ZSCAN1: variants seen among roughly 807,000 people sequenced by gnomAD.
ZSCAN1 encodes zinc finger and SCAN domain containing 1, also known as zinc finger and SCAN domain-containing protein 1.
ZSCAN1 carries 23 observed loss-of-function variants against 23.8 expected under a neutral mutation model. The observed-to-expected ratio is 0.97, with a 90% CI of 0.70 to 1.37. The LOEUF (loss-of-function observed/expected upper bound fraction) is 1.37, where lower values mean the gene tolerates loss of function less well. Ranked by LOEUF, ZSCAN1 falls within the 40% of genes most tolerant of loss-of-function variation. ZSCAN1 has a pLI of 0.00. For missense variants in ZSCAN1, 575 were observed against 554.0 expected (o/e 1.04, Z -0.38); for synonymous variants, 236 against 232.3 (o/e 1.02, Z -0.15).
intron 3 of ZSCAN1, among the ~76,000 whole-genome samples, chr19:58,038,613 T>G (rs2073760263): frequency 6.6e-6 from 1 of 152,164 alleles, no homozygotes; most frequent in Non-Finnish European, 1.5e-5. Flanking sequence ...TGGCTGATGG[T>G]GGGGAGAGAC....
intron 5 of ZSCAN1, among the ~76,000 whole-genome samples, chr19:58,052,838 C>T (rs548425123): frequency 6.6e-6 from 1 of 152,318 alleles, no homozygotes; most frequent in East Asian, 1.9e-4. Flanking sequence ...AGGGCCTCAG[C>T]CTCCGCACCT....
At chr19:58,050,585 A>G (rs2073852959) in intron 4 of ZSCAN1, among the ~76,000 whole-genome samples, 1 of 151,248 alleles carries the variant, frequency 6.6e-6, no homozygotes, top group Non-Finnish European at 1.5e-5. Context: ...CAGTGGTGCA[A>G]TCTCAGCTCA....
rs2073748050 is a variant in ZSCAN1, at chr19:58,037,724, G to A, written c.-109-4G>A. 2.2e-6 allele frequency: 3 copies of A among 1,339,984 alleles called. No homozygotes were observed. The highest frequency in any genetic ancestry group is 3.0e-5 in the African/African-American group (2 of 67,466). The allele number at this position is 1,339,984 out of a possible 1,614,324, so 83.0% of individuals were successfully genotyped here. On this transcript the variant is annotated splice_polypyrimidine_tract_variant and splice_region_variant and intron_variant, in intron 2 of 5. Transcript: ENST00000282326. ...GACCCCTCTGTCCCTGCCCCTCTCTGCAGGCCCCTGATTGCTGATTCTGTC... is the reference window on the plus strand; with the variant it reads ...GACCCCTCTGTCCCTGCCCCTCTCTACAGGCCCCTGATTGCTGATTCTGTC...
At chr19:58,039,335 C>T (rs544260314) in intron 3 of ZSCAN1, among the ~76,000 whole-genome samples, 15 of 152,344 alleles carry the variant, frequency 9.8e-5, no homozygotes, top group Admixed American at 2.0e-4. Flanking sequence ...TTTTAATGTT[C>T]CATGGTCACT....
chr19:58,045,112 A>G lies in ZSCAN1; in HGVS notation c.465+4568A>G, dbSNP rs951914535. The G allele has an allele frequency of 3.2e-6, 4 of 1,252,234 alleles. No homozygotes were observed. Among genetic ancestry groups the G allele is most frequent in the Non-Finnish European group, 3.5e-6 (3 of 853,836 alleles). The allele number at this position is 1,252,234 out of a possible 1,614,324, so 77.6% of individuals were successfully genotyped here. On this transcript the variant is annotated intron_variant, in intron 4 of 5. Transcript: ENST00000282326. This position sits in a 1 kb window ranked among gnomAD's most constrained non-coding sequence, Gnocchi z 4.3. The stretch of plus-strand genomic sequence containing the variant: ...TTCCGCCTGCTACGGATCCACACCA[A>G]GATCGCAGCACGCATGCTCTGGCGC...
chr19:58,044,271 T>TCAAAA (rs755442932), intron 4 of ZSCAN1, among the ~76,000 whole-genome samples: 4 of 149,470 alleles, frequency 2.7e-5, no homozygotes, highest in East Asian at 4.0e-4. Flanking sequence ...AAACTCCGTC[T>TCAAAA]CAAAACAAAA....
chr19:58,041,486 G>T (rs1235684197), intron 4 of ZSCAN1, among the ~76,000 whole-genome samples: 18 of 152,262 alleles, frequency 1.2e-4, no homozygotes, highest in Admixed American at 1.2e-3. Flanking sequence ...AGATGTTCTA[G>T]GCCCAGGACC....
chr19:58,045,480 C>G lies in ZSCAN1; in HGVS notation c.465+4936C>G. On this transcript the variant is annotated intron_variant, in intron 4 of 5. Transcript: ENST00000282326. The surrounding 1 kb of genome is among the most constrained non-coding windows in gnomAD (Gnocchi z 4.3). ...GAAGATCCGGGAGACGGGGGAGAGG[C>G]CCAGCAATGAGGAAATCATGGGTTT... 2 of 1,313,722 alleles carry G rather than the reference C, an allele frequency of 1.5e-6. No homozygotes were observed. Among genetic ancestry groups the G allele is most frequent in the South Asian group, 2.3e-5 (2 of 85,178 alleles). The allele number at this position is 1,313,722 out of a possible 1,614,324, so 81.4% of individuals were successfully genotyped here.
chr19:58,037,380 T>C (rs73071847), intron 2 of ZSCAN1, among the ~76,000 whole-genome samples: 21,017 of 151,378 alleles, frequency 0.14, 1,928 homozygotes, highest in Middle Eastern at 0.24. Flanking sequence ...GAGAGGGAGA[T>C]AGACACTAAG....
chr19:58,053,892 C>A lies in ZSCAN1; in HGVS notation c.1068C>A (p.Gly356=). 2 of 1,613,136 alleles carry A rather than the reference C, an allele frequency of 1.2e-6. No individual in the cohort carries two copies. The highest frequency in any genetic ancestry group is 1.7e-6 in the Non-Finnish European group (2 of 1,179,254). The change falls in exon 6 of 6, where the codon GGC becomes GGA. Residue 356 remains glycine, a synonymous_variant. Coordinates refer to ENST00000282326, the MANE Select transcript of ZSCAN1 (RefSeq NM_182572.4). This position sits in a 1 kb window ranked among gnomAD's most constrained non-coding sequence, Gnocchi z 5.8. ...PPRKKAPRSK[G]PRESVPPRDG... Reference sequence around the variant, plus strand: ...GGAAGAAAGCCCCCCGGAGCAAGGGCCCCCGGGAGTCCGTCCCACCCAGGG... The same window carrying A: ...GGAAGAAAGCCCCCCGGAGCAAGGGACCCCGGGAGTCCGTCCCACCCAGGG...
rs375536769 is a variant in ZSCAN1 at position 58,054,071 on chromosome 19, G to A, written c.*20G>A. The A allele has an allele frequency of 2.7e-5, 39 of 1,471,532 alleles. No individual in the cohort carries two copies. Among genetic ancestry groups the A allele is most frequent in the South Asian group, 4.3e-5 (3 of 70,546 alleles). 91.2% of individuals were successfully genotyped at this position (1,471,532 alleles called of 1,614,324 possible). On this transcript the variant is annotated 3_prime_UTR_variant, in exon 6 of 6. Transcript: ENST00000282326. This position sits in a 1 kb window ranked among gnomAD's most constrained non-coding sequence, Gnocchi z 4.2. ...ATGTGAATGGCCAGCCTCGGGCCTC[G>A]GCCACCCGGCCCTGAGTCCCTGGGG...
chr19:58,052,487 T>G lies in ZSCAN1; in HGVS notation c.466-3T>G. On this transcript the variant is annotated splice_region_variant and splice_polypyrimidine_tract_variant and intron_variant, in intron 4 of 5. Transcript: ENST00000282326. Reference sequence around the variant, plus strand: ...CCGAACAGTCCTGTGCTTGCCATTCTAGGCGTCTGAGCTGATTCTGGATGC... The same window carrying G: ...CCGAACAGTCCTGTGCTTGCCATTCGAGGCGTCTGAGCTGATTCTGGATGC... The G allele has an allele frequency of 6.2e-7, 1 of 1,614,108 alleles. No individual in the cohort carries two copies. Among genetic ancestry groups the G allele is most frequent in the Non-Finnish European group, 8.5e-7 (1 of 1,179,996 alleles).
At position 58,049,896 on chromosome 19, in the gene ZSCAN1, T is replaced by C. The variant is rs2073848350; in HGVS notation, c.466-2594T>C. 6.6e-6 allele frequency among the ~76,000 whole-genome samples: 1 copy of C among 152,184 alleles called. No individual in the cohort carries two copies. Among genetic ancestry groups the C allele is most frequent in the South Asian group, 2.1e-4 (1 of 4,834 alleles). On this transcript the variant is annotated intron_variant, in intron 4 of 5. Transcript: ENST00000282326. The surrounding 1 kb of genome is among the most constrained non-coding windows in gnomAD (Gnocchi z 4.5). ...CATTATCTCACCGGTGAGCTTTTTC[T>C]TGTGGGCATTCTCGGGTTTTTTCAC...
Position 58,045,559 on chromosome 19 carries a change from T to C in ZSCAN1, c.465+5015T>C. ...CTTGACAACCTGACACGGCCGCAGC[T>C]GGTGGCCCTGTGCAAGCTGCTGGAG... On this transcript the variant is annotated intron_variant, in intron 4 of 5. Transcript: ENST00000282326. This position sits in a 1 kb window ranked among gnomAD's most constrained non-coding sequence, Gnocchi z 4.3. 14 of 1,279,288 alleles carry C rather than the reference T, an allele frequency of 1.1e-5. No individual in the cohort carries two copies. Among genetic ancestry groups the C allele is most frequent in the Non-Finnish European group, 1.6e-5 (14 of 874,668 alleles). The allele number at this position is 1,279,288 out of a possible 1,614,324, so 79.2% of individuals were successfully genotyped here. A position where few individuals can be genotyped will look rare whatever the true frequency, so the allele number is the denominator to read the frequency against.
At chr19:58,036,672 C>T (rs754612054) in intron 2 of ZSCAN1, among the ~76,000 whole-genome samples, 2 of 151,806 alleles carry the variant, frequency 1.3e-5, no homozygotes, top group Non-Finnish European at 2.9e-5. Flanking sequence ...CGTGCCACCA[C>T]GCCCAACTCA....
In ZSCAN1 at chr19:58,053,469, C is replaced by A. The variant is rs146878291; in HGVS notation, c.645C>A (p.Asp215Glu). Residue 215 changes from aspartate (D) to glutamate (E), a missense_variant, in exon 6 of 6, where the codon GAC becomes GAA. Asp to Glu is a conservative substitution (Grantham distance 45). Coordinates refer to ENST00000282326, the MANE Select transcript of ZSCAN1 (RefSeq NM_182572.4). The surrounding 1 kb of genome is among the most constrained non-coding windows in gnomAD (Gnocchi z 5.8). ...TGCCTCTGAAGCCGAGTATCTGGGA[C>A]GAGCCTGAGGACCTTCTCGCAGGGC... ...ARLPLKPSIWDEPEDLLAGPS... is the reference protein window; with the variant it reads ...ARLPLKPSIWEEPEDLLAGPS... The A allele has an allele frequency of 2.5e-6, 4 of 1,613,226 alleles. No individual in the cohort carries two copies. Among genetic ancestry groups the A allele is most frequent in the South Asian group, 1.1e-5 (1 of 91,072 alleles).
chr19:58,037,588 T>A (rs1427460061), intron 2 of ZSCAN1, 140 bp from the exon 3 acceptor site: 1 of 407,208 alleles, frequency 2.5e-6, no homozygotes, highest in Non-Finnish European at 4.3e-6. Flanking sequence ...TGTGGAAGAT[T>A]AGGTCAGAAG....
chr19:58,037,878 C>A lies in ZSCAN1; in HGVS notation c.42C>A (p.Pro14=), dbSNP rs1384415642. ...AAGCCCCTGCCTCCCCCAGACGCCC[C>A]CAGACCCCAACCCCGAGTGAGCAGG... ...RPKAPASPRR[P]QTPTPSEQDA... is the part of the protein sequence containing the mutation. Residue 14 remains proline (P), a synonymous_variant, in exon 3 of 6, where the codon CCC becomes CCA. Coordinates refer to ENST00000282326, the MANE Select transcript of ZSCAN1 (RefSeq NM_182572.4). 1 of 1,560,210 alleles carries A rather than the reference C, an allele frequency of 6.4e-7. No homozygotes were observed. Among genetic ancestry groups the A allele is most frequent in the East Asian group, 2.3e-5 (1 of 43,436 alleles).
At chr19:58,039,565 G>A (rs896189926) in intron 3 of ZSCAN1, among the ~76,000 whole-genome samples, 9 of 152,080 alleles carry the variant, frequency 5.9e-5, no homozygotes, top group East Asian at 3.8e-4. Context: ...GCAGGAGTTC[G>A]AGACTAGCCT....
Sources: allele counts gnomAD v4.1 joint callset (sites outside exome capture counted in the v4.1 genomes callset), GRCh38; gene constraint gnomAD v4.1.1; non-coding constraint Gnocchi (gnomAD v3.1); transcripts MANE v1.5; gene names NCBI Gene and HGNC (gene_info 2026-07-23, HGNC 2026-07-21).